Variants in FRMD4A observed in about 807,000 individuals in gnomAD.
FRMD4A encodes FERM domain containing 4A, also known as FERM domain-containing protein 4A.
Under a neutral mutation model 129.1 loss-of-function variants are expected in FRMD4A, and 29 were observed. The observed-to-expected ratio is 0.22, with a 90% CI of 0.17 to 0.31. FRMD4A has a LOEUF of 0.31. FRMD4A is among the 10% of genes least tolerant of loss of function. The pLI is 1.00. For missense variants in FRMD4A, 1,272 were observed against 1,375.8 expected, an observed-to-expected ratio of 0.92 and a Z score of 1.19; for synonymous variants, 634 against 571.6, an observed-to-expected ratio of 1.11 and a Z score of -1.56.
intron 2 of FRMD4A, among the ~76,000 whole-genome samples, chr10:13,963,541 C>G (rs185779058): frequency 6.6e-6 from 1 of 152,118 alleles, no homozygotes. Context: ...AAAAACGAAT[C>G]ATTGAAAACC....
chr10:13,908,164 TAAA>T (rs58370207), intron 2 of FRMD4A, among the ~76,000 whole-genome samples: 3 of 41,086 alleles, frequency 7.3e-5, no homozygotes, highest in African/African-American at 8.8e-5. Context: ...AAACTCCATC[TAAA>T]AAAAAAAAAA....
At chr10:13,752,344 C>G (rs535601218) in intron 8 of FRMD4A, among the ~76,000 whole-genome samples, 1 of 152,138 alleles carries the variant, frequency 6.6e-6, no homozygotes, top group South Asian at 2.1e-4. Flanking sequence ...CCACAGTGAA[C>G]AGCAGATTTA....
At chr10:14,305,950 CAA>C (rs1364859479) in intron 2 of FRMD4A, among the ~76,000 whole-genome samples, 5 of 152,046 alleles carry the variant, frequency 3.3e-5, no homozygotes, top group Non-Finnish European at 5.9e-5. Context: ...TAGGGAGAAA[CAA>C]AACACATTGG....
chr10:13,873,020 A>G (rs539152324), intron 2 of FRMD4A, among the ~76,000 whole-genome samples: 2 of 151,986 alleles, frequency 1.3e-5, no homozygotes, highest in South Asian at 2.1e-4. Flanking sequence ...TACTACAAAT[A>G]CAAAAATTAG....
intron 2 of FRMD4A, among the ~76,000 whole-genome samples, chr10:13,877,264 C>G (rs2094497911): frequency 6.6e-6 from 1 of 152,178 alleles, no homozygotes; most frequent in African/African-American, 2.4e-5. Context: ...TGCCAGGCCA[C>G]CTGCTTTGCT....
At chr10:14,079,745 G>C (rs1588926793) in intron 2 of FRMD4A, among the ~76,000 whole-genome samples, 1 of 152,184 alleles carries the variant, frequency 6.6e-6, no homozygotes, top group African/African-American at 2.4e-5. Context: ...CTGGGACCAG[G>C]CTGAGACTCA....
intron 12 of FRMD4A, among the ~76,000 whole-genome samples, chr10:13,720,728 G>A (rs891231174): frequency 6.6e-6 from 1 of 152,212 alleles, no homozygotes; most frequent in Non-Finnish European, 1.5e-5. Flanking sequence ...GTGACATCGA[G>A]TCAATATCAG....
intron 2 of FRMD4A, among the ~76,000 whole-genome samples, chr10:14,114,839 T>A (rs1201441246): frequency 6.6e-6 from 1 of 152,178 alleles, no homozygotes; most frequent in African/African-American, 2.4e-5. Context: ...CAAAATCCCA[T>A]TTAAGCTACT....
intron 2 of FRMD4A, among the ~76,000 whole-genome samples, chr10:13,993,032 G>C (rs2095609159): frequency 6.7e-6 from 1 of 149,858 alleles, no homozygotes. Context: ...CCATTGATCT[G>C]CTTCTCTTGC....
intron 2 of FRMD4A, among the ~76,000 whole-genome samples, chr10:13,873,605 G>T (rs2094461121): frequency 6.6e-6 from 1 of 152,174 alleles, no homozygotes; most frequent in Admixed American, 6.5e-5. Flanking sequence ...GGAGTGCAAT[G>T]GTACGATCTC....
At chr10:13,679,474 T>TATATACACACACAC (rs1308155926) in intron 15 of FRMD4A, among the ~76,000 whole-genome samples, 30 of 31,486 alleles carry the variant, frequency 9.5e-4, no homozygotes, top group East Asian at 3.1e-3. Flanking sequence ...TATATATATA[T>TATATACACACACAC]ACACACACAC....
At chr10:13,983,905 C>T (rs1027505700) in intron 2 of FRMD4A, among the ~76,000 whole-genome samples, 21 of 151,578 alleles carry the variant, frequency 1.4e-4, no homozygotes, top group East Asian at 7.7e-4. Flanking sequence ...CGGGAGGCTG[C>T]GGCAGGAGAA....
At chr10:14,268,037 G>A (rs760304317) in intron 2 of FRMD4A, among the ~76,000 whole-genome samples, 1 of 152,140 alleles carries the variant, frequency 6.6e-6, no homozygotes, top group African/African-American at 2.4e-5. Flanking sequence ...TCATGATTGT[G>A]TTGCAGGCAT....
chr10:14,237,915 C>T (rs1843887225), intron 2 of FRMD4A, among the ~76,000 whole-genome samples: 1 of 152,208 alleles, frequency 6.6e-6, no homozygotes. Context: ...GCCCTGTTTT[C>T]TCATCTGCTT....
chr10:13,696,436 C>G (rs1300388226), intron 14 of FRMD4A, among the ~76,000 whole-genome samples: 1 of 152,180 alleles, frequency 6.6e-6, no homozygotes, highest in East Asian at 1.9e-4. Context: ...GGTCTGGGCT[C>G]TGAAGTCAGA....
chr10:13,789,514 C>T (rs1005375230), intron 5 of FRMD4A, among the ~76,000 whole-genome samples: 11 of 151,518 alleles, frequency 7.3e-5, no homozygotes, highest in African/African-American at 2.7e-4. Flanking sequence ...ATAATCCAGA[C>T]ATGTAGGCTT....
intron 2 of FRMD4A, among the ~76,000 whole-genome samples, chr10:14,237,542 G>C (rs1158785473): frequency 3.3e-5 from 5 of 152,104 alleles, no homozygotes; most frequent in Non-Finnish European, 7.4e-5. Context: ...TGTTGGCCAG[G>C]CTGGTCTCGA....
intron 7 of FRMD4A, among the ~76,000 whole-genome samples, chr10:13,762,043 C>T (rs1005282804): frequency 2.0e-5 from 3 of 152,112 alleles, no homozygotes; most frequent in Non-Finnish European, 2.9e-5. Context: ...TATGCTAGTT[C>T]CCAATTATAC....
At chr10:14,031,122 G>A (rs529402051) in intron 2 of FRMD4A, among the ~76,000 whole-genome samples, 204 of 152,258 alleles carry the variant, frequency 1.3e-3, no homozygotes, top group African/African-American at 4.8e-3. Context: ...TTCCGAGGTC[G>A]CCACCAGAAG....
Sources: allele counts gnomAD v4.1 joint callset (sites outside exome capture counted in the v4.1 genomes callset), GRCh38; gene constraint gnomAD v4.1.1; transcripts MANE v1.5; gene names NCBI Gene and HGNC (gene_info 2026-07-23, HGNC 2026-07-21).